The following USP11 variants were observed in gnomAD, a reference collection of about 807,000 sequenced individuals.
The protein encoded by USP11 is ubiquitin carboxyl-terminal hydrolase 11.
In USP11, 5 loss-of-function variants were observed where a neutral mutation model predicts 72.8. The observed-to-expected ratio is 0.07, with a 90% confidence interval of 0.04 to 0.14. The LOEUF is 0.14. Ranked by LOEUF, USP11 falls within the 10% of genes least tolerant of loss-of-function variation. The probability of loss-of-function intolerance (pLI) is 1.00; values close to 1 mark genes in which losing one functional copy is unlikely to be tolerated. For synonymous variants in USP11, 368 were observed against 326.5 expected, an observed-to-expected ratio of 1.13 and a Z score of -1.37; for missense variants, 480 against 794.7, an observed-to-expected ratio of 0.60 and a Z score of 4.76.
chrX:47,239,964 T>G, intron 4 of USP11, 57 bp downstream of exon 4: 1 of 1,092,012 alleles, frequency 9.2e-7, no homozygotes, highest in Non-Finnish European at 1.3e-6. Context: ...CCCAACTCAG[T>G]GACTTGAGGT....
rs776347977 is a variant in USP11 at position 47,247,832 on chromosome X, G to A, written c.2665G>A (p.Val889Met). ...TGTCCTCTTCTACCAACGCCAGGAC[G>A]TGGCGCGACGCCTGCTGTCCCCGGC... is the stretch of plus-strand genomic sequence containing the variant. ...AYVLFYQRQD[V>M]ARRLLSPAGS... Residue 889 changes from valine (V) to methionine (M), a missense_variant, in exon 21 of 21, where the codon GTG (valine) becomes ATG (methionine). This residue lies in a region of USP11 where 314 missense variants were observed against 556.0 expected (regional missense o/e 0.56). Transcript: ENST00000377107. 1.1e-5 allele frequency: 13 copies of A among 1,208,070 alleles called. No homozygotes were observed. In the East Asian group the frequency reaches 1.5e-4, roughly 14 times the overall value.
intron 17 of USP11, 37 bp from the exon 18 acceptor site, chrX:47,247,033 AAG>A: frequency 8.6e-7 from 1 of 1,166,398 alleles, no homozygotes; most frequent in Non-Finnish European, 1.1e-6. Flanking sequence ...AAAAAAAAAA[AAG>A]AAAAAGTCCG....
intron 10 of USP11, 55 bp downstream of exon 10, chrX:47,242,361 G>A (rs2055407877): frequency 8.3e-7 from 1 of 1,201,680 alleles, no homozygotes. Flanking sequence ...AGTTTGATTA[G>A]CTGCCATAGC....
At chrX:47,245,197 A>C in intron 16 of USP11, 111 bp downstream of exon 16, 1 of 1,048,100 alleles carries the variant, frequency 9.5e-7, no homozygotes, top group East Asian at 3.2e-5. Context: ...ATCCAGGTCA[A>C]GCTTGGCCTT....
intron 3 of USP11, 121 bp from the exon 4 acceptor site, chrX:47,239,669 A>G: frequency 1.0e-6 from 1 of 960,816 alleles, no homozygotes; most frequent in South Asian, 2.2e-5. Context: ...TTTACAGACC[A>G]TTGTATATGT....
In USP11 at chrX:47,240,852, G is replaced by T; in HGVS notation, c.822G>T (p.Thr274=). 1.7e-6 allele frequency: 2 copies of T among 1,210,944 alleles called. No homozygotes were observed. Among genetic ancestry groups the T allele is most frequent in the Non-Finnish European group, 2.2e-6 (2 of 895,045 alleles). Residue 274 remains threonine, a synonymous_variant, in exon 7 of 21, where the codon ACG becomes ACT. Coordinates refer to ENST00000377107, the MANE Select transcript of USP11 (RefSeq NM_001371072.1). The part of the protein sequence containing the change: ...GICGLTNLGN[T]CFMNSALQCL... ...GTGGCCTCACCAATCTGGGCAACAC[G>T]TGCTTCATGAACTCGGCCCTGCAGG...
chrX:47,233,622 CGGCT>C (rs2055357014), intron 1 of USP11: 4 of 696,984 alleles, frequency 5.7e-6, no homozygotes, highest in Non-Finnish European at 6.8e-6. Context: ...TGCTCCGGGG[CGGCT>C]GGGAACGAGG....
At chrX:47,235,072 G>A (rs1400348695) in intron 1 of USP11, among the ~76,000 whole-genome samples, 1 of 111,892 alleles carries the variant, frequency 8.9e-6, no homozygotes, top group East Asian at 2.8e-4. Context: ...TCCATGTTAA[G>A]ATTCAGAACA....
At chrX:47,238,187 C>CTTT (rs756979418) in intron 1 of USP11, among the ~76,000 whole-genome samples, 9 of 84,349 alleles carry the variant, frequency 1.1e-4, no homozygotes, top group African/African-American at 1.3e-4. Flanking sequence ...ATATGCAGTT[C>CTTT]TTTTTTTTTT....
At chrX:47,243,816 C>T (rs971567392) in intron 13 of USP11, among the ~76,000 whole-genome samples, 2 of 112,115 alleles carry the variant, frequency 1.8e-5, no homozygotes, top group Admixed American at 1.9e-4. Context: ...GAACAAGATG[C>T]ACAAAACAGA....
chrX:47,241,143 C>T lies in USP11; in HGVS notation c.847-134C>T, dbSNP rs183643460. On this transcript the variant is annotated intron_variant, in intron 7 of 20. Coordinates refer to ENST00000377107, the MANE Select transcript of USP11 (RefSeq NM_001371072.1). ...CTAATGCCTTCTCTCCCCTACTCTCCTGCTCCTCTCTCTCCTCCCTTCCCC... is the reference window on the plus strand; with the variant it reads ...CTAATGCCTTCTCTCCCCTACTCTCTTGCTCCTCTCTCTCCTCCCTTCCCC... 2.7e-4 allele frequency: 189 copies of T among 693,647 alleles called. No homozygotes were observed. In the African/African-American group the frequency reaches 4.0e-3, roughly 15 times the overall value. 57.2% of individuals were successfully genotyped at this position (693,647 alleles called of 1,213,427 possible). A position where few individuals can be genotyped will look rare whatever the true frequency, so the allele number is the denominator to read the frequency against.
chrX:47,241,735 C>T (rs376273997), intron 9 of USP11, 36 bp downstream of exon 9: 10 of 1,149,499 alleles, frequency 8.7e-6, no homozygotes, highest in Non-Finnish European at 1.2e-5. Context: ...CAATTAACAT[C>T]ACCAAGGCCT....
chrX:47,242,370 G>A, intron 10 of USP11, 64 bp downstream of exon 10: 1 of 1,205,669 alleles, frequency 8.3e-7, no homozygotes, highest in Non-Finnish European at 1.1e-6. Flanking sequence ...AGCTGCCATA[G>A]CTCAAGGCTT....
At chrX:47,243,301 T>C (rs2055413710) in intron 12 of USP11, 95 bp from the exon 13 acceptor site, 1 of 837,311 alleles carries the variant, frequency 1.2e-6, no homozygotes, top group African/African-American at 2.1e-5. Flanking sequence ...AAAAATGCCT[T>C]CAGGCTGTGA....
At chrX:47,244,620 G>A in intron 14 of USP11, 62 bp from the exon 15 acceptor site, 2 of 1,205,977 alleles carry the variant, frequency 1.7e-6, no homozygotes, top group South Asian at 1.8e-5. Context: ...TCGTCTAGGT[G>A]TGCATTGCAG....
chrX:47,237,040 A>G (rs1165875680), intron 1 of USP11, among the ~76,000 whole-genome samples: 1 of 112,265 alleles, frequency 8.9e-6, no homozygotes, highest in African/African-American at 3.2e-5. Context: ...TGAAATCTAT[A>G]GAAGTTCAGC....
At chrX:47,247,242 T>A in intron 18 of USP11, 21 bp downstream of exon 18, 1 of 1,210,534 alleles carries the variant, frequency 8.3e-7, no homozygotes, top group Non-Finnish European at 1.1e-6. Context: ...AGGGAGAGGA[T>A]GGCTGGGGGA....
intron 1 of USP11, chrX:47,234,050 A>G (rs1384879157): frequency 8.9e-6 from 1 of 112,267 alleles, no homozygotes; most frequent in East Asian, 2.8e-4. Flanking sequence ...ATTTCTTGCT[A>G]AACAGTCCTT....
At chrX:47,237,775 G>GGTGTGTGTGTGTGTGT (rs1428419266) in intron 1 of USP11, among the ~76,000 whole-genome samples, 2 of 99,205 alleles carry the variant, frequency 2.0e-5, no homozygotes, top group African/African-American at 8.1e-5. Flanking sequence ...CAGCAGAACA[G>GGTGTGTGTGTGTGTGT]GTGTGTGTGT....
Sources: gnomAD v4.1 joint callset for allele counts (sites outside exome capture counted in the v4.1 genomes callset) on GRCh38, gnomAD v4.1.1 for gene constraint, gnomAD v4.1.1 regional missense constraint, MANE v1.5 for transcripts, NCBI Gene and HGNC (gene_info 2026-07-23, HGNC 2026-07-21) for gene names.